NRG3: variants seen among roughly 807,000 people sequenced by gnomAD.
NRG3 encodes pro-neuregulin-3, membrane-bound isoform.
Under a neutral mutation model 66.9 loss-of-function variants are expected in NRG3, and 31 were observed. The ratio of observed to expected loss-of-function variants is 0.46; its 90% CI spans 0.35 to 0.63. The LOEUF is 0.63. NRG3 is among the 20% of genes least tolerant of loss of function. The pLI, the probability that NRG3 is intolerant of heterozygous loss-of-function variation, is 0.00. For missense variants in NRG3, 910 were observed against 878.9 expected (o/e 1.04, Z -0.45); for synonymous variants, 393 against 359.4 (o/e 1.09, Z -1.06).
At chr10:82,557,598 A>G (rs114931786) in intron 2 of NRG3, among the ~76,000 whole-genome samples, 2,910 of 152,056 alleles carry the variant, frequency 0.019, 99 homozygotes, top group African/African-American at 0.066. Context: ...CACTGTTGAT[A>G]GTTTCTTTTG....
chr10:82,093,360 G>A (rs953042681), intron 1 of NRG3, among the ~76,000 whole-genome samples: 1 of 151,824 alleles, frequency 6.6e-6, no homozygotes, highest in African/African-American at 2.4e-5. Context: ...CAAACATTTT[G>A]TACCCTTCTA....
In NRG3 at chr10:81,937,575, G is replaced by A. The variant is rs372148943; in HGVS notation, c.823+61412G>A. Among the ~76,000 whole-genome samples, 44 of 152,196 alleles carry A rather than the reference G, an allele frequency of 2.9e-4. 1 individual carries two copies. The highest frequency in any genetic ancestry group is 9.6e-4 in the African/African-American group (40 of 41,546). On this transcript the variant is annotated intron_variant, in intron 1 of 8. Coordinates refer to ENST00000372141, the MANE Select transcript of NRG3 (RefSeq NM_001010848.4). ...CTTCTTTGGAAAGGTATTTATTCAA[G>A]TTGTTTGCACATTTTTTATGGAGTT...
intron 4 of NRG3, among the ~76,000 whole-genome samples, chr10:82,904,355 C>T (rs909334534): frequency 6.6e-6 from 1 of 152,156 alleles, no homozygotes; most frequent in Non-Finnish European, 1.5e-5. Context: ...ATCACAGTGC[C>T]TCTTTAATGT....
intron 3 of NRG3, among the ~76,000 whole-genome samples, chr10:82,781,787 G>A (rs2060126950): frequency 6.6e-6 from 1 of 152,018 alleles, no homozygotes; most frequent in Non-Finnish European, 1.5e-5. Context: ...GTTTCCTGAA[G>A]AGTGTGTAGT....
intron 1 of NRG3, among the ~76,000 whole-genome samples, chr10:82,304,893 T>C (rs2134846698): frequency 6.6e-6 from 1 of 152,142 alleles, no homozygotes; most frequent in South Asian, 2.1e-4. Context: ...ACCAAGAATC[T>C]TGGGAGCTAT....
intron 4 of NRG3, among the ~76,000 whole-genome samples, chr10:82,885,623 A>G (rs1411683798): frequency 6.6e-6 from 1 of 152,228 alleles, no homozygotes; most frequent in Non-Finnish European, 1.5e-5. Context: ...AAAATACAAA[A>G]TATACATTGT....
intron 1 of NRG3, among the ~76,000 whole-genome samples, chr10:82,338,639 T>TGCTCA (rs2082516642): frequency 6.6e-6 from 1 of 152,206 alleles, no homozygotes; most frequent in Non-Finnish European, 1.5e-5. Flanking sequence ...CAGAATTAGA[T>TGCTCA]ATACAGTTGA....
chr10:82,802,050 A>G (rs965697250), intron 3 of NRG3, among the ~76,000 whole-genome samples: 2 of 152,238 alleles, frequency 1.3e-5, no homozygotes, highest in African/African-American at 4.8e-5. Flanking sequence ...TTTGTTTCAA[A>G]TAGCATGTGA....
chr10:82,288,688 G>T (rs1333016681), intron 1 of NRG3, among the ~76,000 whole-genome samples: 4 of 152,184 alleles, frequency 2.6e-5, no homozygotes, highest in Non-Finnish European at 5.9e-5. Context: ...CCAGTGGAAT[G>T]ATGCTGTCAC....
chr10:82,050,300 C>T (rs990246317), intron 1 of NRG3, among the ~76,000 whole-genome samples: 8 of 150,444 alleles, frequency 5.3e-5, no homozygotes, highest in Admixed American at 3.3e-4. Flanking sequence ...TTTTTGCCAT[C>T]ACCTTCAATG....
At chr10:82,366,028 A>G (rs1466007583) in intron 2 of NRG3, among the ~76,000 whole-genome samples, 2 of 152,324 alleles carry the variant, frequency 1.3e-5, no homozygotes, top group East Asian at 3.9e-4. Context: ...GAGTTGGGGT[A>G]AGACATACAA....
intron 1 of NRG3, among the ~76,000 whole-genome samples, chr10:82,158,763 G>T (rs940425496): frequency 6.6e-6 from 1 of 151,828 alleles, no homozygotes; most frequent in Non-Finnish European, 1.5e-5. Context: ...CCTGAGAGAA[G>T]TGGCATATTA....
At chr10:82,213,952 C>T (rs565736586) in intron 1 of NRG3, among the ~76,000 whole-genome samples, 4 of 152,152 alleles carry the variant, frequency 2.6e-5, no homozygotes, top group Admixed American at 1.3e-4. Context: ...CACTGAGCCA[C>T]GTGGAGGCAC....
At chr10:82,137,716 A>C (rs111791131) in intron 1 of NRG3, among the ~76,000 whole-genome samples, 7 of 152,318 alleles carry the variant, frequency 4.6e-5, no homozygotes, top group African/African-American at 1.7e-4. Flanking sequence ...GTATTAAAAG[A>C]TTGGAGCAGC....
intron 2 of NRG3, among the ~76,000 whole-genome samples, chr10:82,379,908 T>TC (rs2085497022): frequency 2.5e-5 from 1 of 39,670 alleles, no homozygotes; most frequent in East Asian, 6.1e-4. Flanking sequence ...AAATGAACAA[T>TC]CCAAAAAAAA....
chr10:81,989,428 G>C (rs1055308129), intron 1 of NRG3, among the ~76,000 whole-genome samples: 1 of 152,060 alleles, frequency 6.6e-6, no homozygotes, highest in Non-Finnish European at 1.5e-5. Context: ...TAAGAAACTC[G>C]ACAGAGAAAG....
intron 3 of NRG3, among the ~76,000 whole-genome samples, chr10:82,777,439 G>T (rs1233401915): frequency 6.6e-6 from 1 of 152,090 alleles, no homozygotes; most frequent in South Asian, 2.1e-4. Context: ...CTGAGGGCCT[G>T]GGCTCAATGT....
intron 2 of NRG3, among the ~76,000 whole-genome samples, chr10:82,495,170 C>T (rs188565028): frequency 1.4e-4 from 21 of 151,956 alleles, no homozygotes; most frequent in Non-Finnish European, 2.4e-4. Flanking sequence ...CTCCTGACCT[C>T]GTGATCTGCC....
chr10:81,963,562 T>C (rs948181410), intron 1 of NRG3, among the ~76,000 whole-genome samples: 1 of 152,232 alleles, frequency 6.6e-6, no homozygotes, highest in African/African-American at 2.4e-5. Flanking sequence ...ACGTTTGTTG[T>C]CTAAGTTTTG....
Sources: gnomAD v4.1 joint callset for allele counts (sites outside exome capture counted in the v4.1 genomes callset) on GRCh38, gnomAD v4.1.1 for gene constraint, MANE v1.5 for transcripts, NCBI Gene and HGNC (gene_info 2026-07-23, HGNC 2026-07-21) for gene names.